The following XIRP2 variants were observed in gnomAD, a reference collection of about 807,000 sequenced individuals.
XIRP2 encodes the protein xin actin binding repeat containing 2.
XIRP2 carries 236 observed loss-of-function variants against 277.0 expected under a neutral mutation model. That is an observed-to-expected ratio of 0.85 (90% CI 0.77 to 0.95). XIRP2 has a LOEUF of 0.95. Among genes scored for constraint, XIRP2 ranks in the 40% least tolerant of loss-of-function variants. The pLI is 0.00. For missense variants in XIRP2, 4,640 were observed against 4,157.5 expected, an observed-to-expected ratio of 1.12 and a Z score of -3.19; for synonymous variants, 1,490 against 1,416.5, an observed-to-expected ratio of 1.05 and a Z score of -1.17.
At chr2:166,957,681 C>A (rs1241993008) in intron 2 of XIRP2, among the ~76,000 whole-genome samples, 2 of 151,696 alleles carry the variant, frequency 1.3e-5, no homozygotes, top group Non-Finnish European at 2.9e-5. Context: ...GAAATTGTGG[C>A]CTGTTCCCAC....
intron 9 of XIRP2, among the ~76,000 whole-genome samples, chr2:167,253,726 A>G (rs533168915): frequency 6.6e-6 from 1 of 151,884 alleles, no homozygotes; most frequent in East Asian, 1.9e-4. Context: ...ATGCACATAT[A>G]TATGTTTGTA....
At position 166,996,746 on chromosome 2, in the gene XIRP2, A is replaced by G. The variant is rs1229155599; in HGVS notation, c.408+92856A>G. On this transcript the variant is annotated intron_variant, in intron 2 of 10. Coordinates refer to ENST00000409195, the MANE Select transcript of XIRP2 (RefSeq NM_152381.6). ...TAGTCGGCCTGAACCAAGATGATGC[A>G]TTGCTGTGCTGGGTTGAGCACCCCT... is the stretch of plus-strand genomic sequence containing the variant. 2.0e-5 allele frequency among the ~76,000 whole-genome samples: 3 copies of G among 152,190 alleles called. No individual in the cohort carries two copies. The East Asian group carries it at 5.8e-4, about 29-fold the overall frequency.
intron 2 of XIRP2, among the ~76,000 whole-genome samples, chr2:167,046,205 A>G (rs574498332): frequency 6.6e-6 from 1 of 152,078 alleles, no homozygotes; most frequent in South Asian, 2.1e-4. Context: ...TTGTACATTG[A>G]TTTTGTATCC....
chr2:167,002,833 C>T (rs1387409964), intron 2 of XIRP2, among the ~76,000 whole-genome samples: 1 of 151,782 alleles, frequency 6.6e-6, no homozygotes, highest in Non-Finnish European at 1.5e-5. Flanking sequence ...ATAATGTTAT[C>T]TTTGTTAAAT....
At chr2:167,050,334 C>T (rs909740976) in intron 2 of XIRP2, among the ~76,000 whole-genome samples, 18 of 151,946 alleles carry the variant, frequency 1.2e-4, no homozygotes, top group Non-Finnish European at 2.9e-5. Flanking sequence ...TTGGTTATAT[C>T]GGATTTAAAT....
intron 3 of XIRP2, among the ~76,000 whole-genome samples, chr2:167,201,232 AAG>A (rs1693692197): frequency 9.3e-6 from 1 of 107,586 alleles, no homozygotes; most frequent in Non-Finnish European, 1.7e-5. Flanking sequence ...GAAAGAAAGA[AAG>A]AAAGAAAGAA....
At chr2:166,943,262 A>G (rs1194998401) in intron 2 of XIRP2, among the ~76,000 whole-genome samples, 6 of 152,190 alleles carry the variant, frequency 3.9e-5, no homozygotes. Context: ...GCAAAAATAG[A>G]TAATATATAA....
intron 2 of XIRP2, among the ~76,000 whole-genome samples, chr2:167,087,762 C>A (rs187795950): frequency 2.0e-5 from 3 of 151,662 alleles, no homozygotes; most frequent in African/African-American, 4.9e-5. Flanking sequence ...TGACCCCTTG[C>A]GCTTCCCAAG....
At chr2:167,150,959 G>T (rs1341962288) in intron 3 of XIRP2, among the ~76,000 whole-genome samples, 1 of 151,958 alleles carries the variant, frequency 6.6e-6, no homozygotes, top group East Asian at 1.9e-4. Context: ...GTGGAAATTT[G>T]CAAGAGACTT....
At chr2:167,222,875 T>C (rs1246932236) in intron 5 of XIRP2, among the ~76,000 whole-genome samples, 1 of 152,182 alleles carries the variant, frequency 6.6e-6, no homozygotes, top group African/African-American at 2.4e-5. Flanking sequence ...TTTTTTCTTT[T>C]TCCTTATTTA....
At chr2:167,214,142 G>GA (rs1694155591) in intron 4 of XIRP2, among the ~76,000 whole-genome samples, 2 of 95,934 alleles carry the variant, frequency 2.1e-5, no homozygotes, top group Admixed American at 1.1e-4. Context: ...AGGAAGCAAA[G>GA]AGAAAGAGAA....
At chr2:166,925,850 A>G (rs892957402) in intron 2 of XIRP2, among the ~76,000 whole-genome samples, 2 of 151,690 alleles carry the variant, frequency 1.3e-5, no homozygotes, top group African/African-American at 4.8e-5. Context: ...CAGGAGGATC[A>G]CTTGAGGCCA....
At chr2:166,974,994 C>T (rs1248304408) in intron 2 of XIRP2, among the ~76,000 whole-genome samples, 4 of 151,990 alleles carry the variant, frequency 2.6e-5, no homozygotes, top group African/African-American at 9.7e-5. Flanking sequence ...TATACTAATA[C>T]AAGACAAAAT....
rs775763145 is a variant in XIRP2 at position 167,244,022 on chromosome 2, A to C, written c.2630A>C (p.His877Pro). Reference protein sequence around the residue: ...IIGGDVQTTKHLFETLPIEAL... With the variant: ...IIGGDVQTTKPLFETLPIEAL... ...GGTGGTGATGTACAAACTACTAAGC[A>C]TCTATTTGAAACACTTCCAATTGAA... is the stretch of plus-strand genomic sequence containing the variant. Residue 877 changes from histidine (H) to proline (P), a missense_variant, in exon 9 of 11, where the codon CAT becomes CCT. By Grantham distance (77) the His-to-Pro change is moderately conservative (BLOSUM62 -2). Coordinates refer to ENST00000409195, the MANE Select transcript of XIRP2 (RefSeq NM_152381.6). 1.2e-6 allele frequency: 2 copies of C among 1,613,992 alleles called. No homozygotes were observed. The highest frequency in any genetic ancestry group is 1.3e-5 in the African/African-American group (1 of 75,028).
chr2:166,969,162 A>G (rs1386454778), intron 2 of XIRP2, among the ~76,000 whole-genome samples: 1 of 151,984 alleles, frequency 6.6e-6, no homozygotes, highest in Non-Finnish European at 1.5e-5. Flanking sequence ...TGAAAAAAAT[A>G]TTGAATATAA....
In XIRP2 at chr2:167,258,293, G is replaced by T; in HGVS notation, c.*476G>T. The T allele has an allele frequency of 6.2e-7, 1 of 1,613,332 alleles. No individual in the cohort carries two copies. ...ATTTAAAAGTGAATCTCTGCTAGAA[G>T]ATGTTAGAACTCCAGAAAATAAAGG... On this transcript the variant is annotated 3_prime_UTR_variant, in exon 11 of 11. Transcript: ENST00000409195.
intron 2 of XIRP2, among the ~76,000 whole-genome samples, chr2:167,088,257 C>A (rs1240865554): frequency 6.6e-6 from 1 of 152,070 alleles, no homozygotes; most frequent in African/African-American, 2.4e-5. Flanking sequence ...GGAAGTTTGT[C>A]AGTAATTTTT....
intron 2 of XIRP2, among the ~76,000 whole-genome samples, chr2:167,043,681 G>A (rs1367149211): frequency 6.6e-6 from 1 of 151,926 alleles, no homozygotes; most frequent in Non-Finnish European, 1.5e-5. Flanking sequence ...AATGTGTTCT[G>A]AAACTGAATC....
At chr2:167,060,720 T>C (rs1298857886) in intron 2 of XIRP2, among the ~76,000 whole-genome samples, 1 of 152,106 alleles carries the variant, frequency 6.6e-6, no homozygotes, top group African/African-American at 2.4e-5. Flanking sequence ...TTTTGGTGCA[T>C]TGATTTATAT....
Sources: allele counts gnomAD v4.1 joint callset (sites outside exome capture counted in the v4.1 genomes callset), GRCh38; gene constraint gnomAD v4.1.1; transcripts MANE v1.5; gene names NCBI Gene and HGNC (gene_info 2026-07-23, HGNC 2026-07-21).